LRP1B: variants seen among roughly 807,000 people sequenced by gnomAD.
The protein encoded by LRP1B is low-density lipoprotein receptor-related protein 1B.
Under a neutral mutation model 556.6 loss-of-function variants are expected in LRP1B, and 217 were observed. The ratio of observed to expected loss-of-function variants is 0.39; its 90% confidence interval spans 0.35 to 0.44. The LOEUF is 0.44. Among genes scored for constraint, LRP1B ranks in the 20% least tolerant of loss-of-function variants. The pLI is 1.00. For missense variants in LRP1B, 5,053 were observed against 5,620.8 expected (o/e 0.90, Z 3.23); for synonymous variants, 2,047 against 1,865.8 (o/e 1.10, Z -2.50).
At chr2:141,186,639 A>C (rs1218654628) in intron 7 of LRP1B, among the ~76,000 whole-genome samples, 1 of 152,098 alleles carries the variant, frequency 6.6e-6, no homozygotes, top group African/African-American at 2.4e-5. Context: ...TAAATGATAC[A>C]TGACAAAATT....
At chr2:141,355,292 A>G (rs958626875) in intron 3 of LRP1B, among the ~76,000 whole-genome samples, 2 of 151,776 alleles carry the variant, frequency 1.3e-5, no homozygotes, top group Admixed American at 1.3e-4. Context: ...TAATGTTTTA[A>G]TAATATTTTC....
At chr2:141,141,784 A>G (rs562278799) in intron 7 of LRP1B, among the ~76,000 whole-genome samples, 58 of 152,314 alleles carry the variant, frequency 3.8e-4, no homozygotes, top group African/African-American at 1.3e-3. Context: ...CAATGAAGAC[A>G]TATTTGCTGC....
intron 3 of LRP1B, among the ~76,000 whole-genome samples, chr2:141,411,789 T>A (rs757994034): frequency 2.3e-4 from 35 of 152,038 alleles, no homozygotes; most frequent in Non-Finnish European, 4.0e-4. Context: ...CTGATAAAAA[T>A]ATTATTCTAA....
At chr2:141,942,505 A>C (rs1480970327) in intron 1 of LRP1B, among the ~76,000 whole-genome samples, 2 of 150,124 alleles carry the variant, frequency 1.3e-5, no homozygotes, top group African/African-American at 5.0e-5. Context: ...AAAACAAAAC[A>C]AAAAAAAAAA....
chr2:140,237,071 T>C lies in LRP1B; in HGVS notation c.13560+1081A>G, dbSNP rs186469719. 2.9e-3 allele frequency among the ~76,000 whole-genome samples: 432 copies of C among 150,978 alleles called. 3 individuals carry two copies. Among genetic ancestry groups the C allele is most frequent in the African/African-American group, 9.7e-3 (402 of 41,408 alleles). ...CTATTTTTAAATATACAATACAATA[T>C]TGTTAACCACCATCACCTAACTGTG... On this transcript the variant is annotated intron_variant, in intron 89 of 90. Coordinates refer to ENST00000389484, the MANE Select transcript of LRP1B (RefSeq NM_018557.3).
chr2:142,107,794 A>ATTTTTTTTTTTTTT (rs67962280), intron 1 of LRP1B, among the ~76,000 whole-genome samples: 34 of 110,588 alleles, frequency 3.1e-4, no homozygotes, highest in Non-Finnish European at 5.4e-4. Context: ...CGCCTAGCTA[A>ATTTTTTTTTTTTTT]TTTTTTTTTT....
intron 3 of LRP1B, among the ~76,000 whole-genome samples, chr2:141,401,773 T>A (rs960299357): frequency 1.3e-5 from 2 of 152,144 alleles, no homozygotes; most frequent in African/African-American, 4.8e-5. Flanking sequence ...TATCACATTT[T>A]CATACAGTGG....
intron 25 of LRP1B, among the ~76,000 whole-genome samples, chr2:140,868,565 T>C (rs1293067065): frequency 2.0e-5 from 3 of 152,092 alleles, no homozygotes; most frequent in East Asian, 3.9e-4. Flanking sequence ...GTGATATTTA[T>C]ACTAAAACTG....
chr2:141,276,951 C>T (rs1375634965), intron 3 of LRP1B, among the ~76,000 whole-genome samples: 1 of 152,092 alleles, frequency 6.6e-6, no homozygotes, highest in African/African-American at 2.4e-5. Context: ...ACACCGCTCC[C>T]GGCCCCCATC....
At chr2:141,452,392 T>C (rs1559077857) in intron 3 of LRP1B, among the ~76,000 whole-genome samples, 1 of 152,180 alleles carries the variant, frequency 6.6e-6, no homozygotes, top group African/African-American at 2.4e-5. Flanking sequence ...TGGAAATTAT[T>C]GTATTTCTTG....
intron 41 of LRP1B, among the ~76,000 whole-genome samples, chr2:140,623,904 G>A (rs1260989471): frequency 1.4e-5 from 2 of 140,068 alleles, no homozygotes; most frequent in African/African-American, 2.6e-5. Context: ...GGGCAACACA[G>A]CGAGACTTCG....
chr2:141,719,381 T>C (rs1243055350), intron 2 of LRP1B, among the ~76,000 whole-genome samples: 1 of 152,122 alleles, frequency 6.6e-6, no homozygotes, highest in Non-Finnish European at 1.5e-5. Flanking sequence ...TGCAATGTAA[T>C]AGGAAGCTCA....
chr2:141,188,654 G>C (rs1681368679), intron 6 of LRP1B, 71 bp from the exon 7 acceptor site: 3 of 1,373,226 alleles, frequency 2.2e-6, no homozygotes, highest in South Asian at 1.2e-5. Context: ...AATAACATAA[G>C]TGTTTCCAAA....
rs1424711891 is a variant in LRP1B, at chr2:140,525,872, T to G, written c.7998A>C (p.Gly2666=). 3 of 1,612,176 alleles carry G rather than the reference T, an allele frequency of 1.9e-6. No homozygotes were observed. The highest frequency in any genetic ancestry group is 8.5e-7 in the Non-Finnish European group (1 of 1,178,728). ...GGCACTTTAATTCATCTGAATAGTC[T>G]CCACAGTCATTAGACCCGTCGCATA... ...TWICDGSNDC[G]DYSDELKCPV... is the part of the protein sequence containing the mutation. The change falls in exon 49 of 91, where the codon GGA becomes GGC. Residue 2666 remains glycine (G), a synonymous_variant. Transcript: ENST00000389484.
At chr2:141,811,799 G>A (rs1225893096) in intron 1 of LRP1B, among the ~76,000 whole-genome samples, 6 of 151,992 alleles carry the variant, frequency 3.9e-5, no homozygotes, top group Admixed American at 3.3e-4. Context: ...TAGAATCAAC[G>A]ATGTAGAAGC....
At chr2:140,239,565 TAAATA>T (rs1558918635) in intron 87 of LRP1B, 33 bp from the exon 88 acceptor site, 3 of 1,391,964 alleles carry the variant, frequency 2.2e-6, no homozygotes, top group Non-Finnish European at 3.0e-6. Flanking sequence ...GATGAAGAAA[TAAATA>T]AAATGAAGTA....
At chr2:140,830,153 T>C (rs375795174) in intron 31 of LRP1B, among the ~76,000 whole-genome samples, 27 of 152,182 alleles carry the variant, frequency 1.8e-4, no homozygotes, top group East Asian at 1.3e-3. Context: ...ACCTACCTGA[T>C]GACTTCACTA....
chr2:141,977,723 A>C (rs1035663220), intron 1 of LRP1B, among the ~76,000 whole-genome samples: 1 of 152,220 alleles, frequency 6.6e-6, no homozygotes, highest in African/African-American at 2.4e-5. Context: ...TGTTTCAAAA[A>C]GTAACTGTAA....
rs151230604 is a variant in LRP1B at position 141,732,035 on chromosome 2, G to A, written c.205+78244C>T. Among the ~76,000 whole-genome samples, 215 of 152,040 alleles carry A rather than the reference G, an allele frequency of 1.4e-3. 2 individuals are homozygous for A. Among genetic ancestry groups the A allele is most frequent in the African/African-American group, 4.4e-3 (182 of 41,478 alleles). On this transcript the variant is annotated intron_variant, in intron 2 of 90. Transcript: ENST00000389484. ...ATGTTTTTGGAGGGAAGGGTTCTCCGCCTCCATTCACCCATCCAATATGGT... is the reference window on the plus strand; with the variant it reads ...ATGTTTTTGGAGGGAAGGGTTCTCCACCTCCATTCACCCATCCAATATGGT...
Sources: gnomAD v4.1 joint callset for allele counts (sites outside exome capture counted in the v4.1 genomes callset) on GRCh38, gnomAD v4.1.1 for gene constraint, MANE v1.5 for transcripts, NCBI Gene and HGNC (gene_info 2026-07-23, HGNC 2026-07-21) for gene names.